NECAB1: variants seen among roughly 807,000 people sequenced by gnomAD.
NECAB1 encodes N-terminal EF-hand calcium-binding protein 1.
NECAB1 carries 29 observed loss-of-function variants against 57.5 expected under a neutral mutation model. The ratio of observed to expected loss-of-function variants is 0.50; its 90% CI spans 0.38 to 0.69. The LOEUF (loss-of-function observed/expected upper bound fraction) is 0.69, where lower values mean the gene tolerates loss of function less well. Among genes scored for constraint, NECAB1 ranks in the 30% least tolerant of loss-of-function variants. The probability of loss-of-function intolerance (pLI) is 0.00; values close to 1 mark genes in which losing one functional copy is unlikely to be tolerated. For synonymous variants in NECAB1, 142 were observed against 147.7 expected, an observed-to-expected ratio of 0.96 and a Z score of 0.28; for missense variants, 372 against 413.8, an observed-to-expected ratio of 0.90 and a Z score of 0.88.
chr8:90,853,630 T>G (rs1482833325), intron 3 of NECAB1, among the ~76,000 whole-genome samples: 1 of 152,204 alleles, frequency 6.6e-6, no homozygotes, highest in Non-Finnish European at 1.5e-5. Context: ...TGTTTGTTTA[T>G]TTGGAGAGAA....
chr8:90,891,442 T>G (rs996610568), intron 5 of NECAB1, among the ~76,000 whole-genome samples: 2 of 152,198 alleles, frequency 1.3e-5, no homozygotes, highest in Admixed American at 1.3e-4. Context: ...TTCTACATAT[T>G]ATGCCATTTT....
rs1431822775 is a variant in NECAB1 at position 90,958,883 on chromosome 8, G to T, written c.*3371G>T. 6.7e-6 allele frequency: 4 copies of T among 595,632 alleles called. No individual in the cohort carries two copies. Among genetic ancestry groups the T allele is most frequent in the South Asian group, 2.2e-5 (1 of 45,808 alleles). The allele number at this position is 595,632 out of a possible 1,614,324, so 36.9% of individuals were successfully genotyped here. The stretch of plus-strand genomic sequence containing the variant: ...AAAATAGCTCTTTCTCATTTTTAGA[G>T]AAGTCAAATAGCCAACCATCAAAAT... On this transcript the variant is annotated 3_prime_UTR_variant, in exon 13 of 13. Coordinates refer to ENST00000417640, the MANE Select transcript of NECAB1 (RefSeq NM_022351.5).
At chr8:90,837,215 A>G (rs1812382984) in intron 3 of NECAB1, among the ~76,000 whole-genome samples, 1 of 152,240 alleles carries the variant, frequency 6.6e-6, no homozygotes, top group Non-Finnish European at 1.5e-5. Context: ...CTAAGGAAAT[A>G]ATATAGATGG....
At chr8:90,833,794 C>A (rs989912963) in intron 3 of NECAB1, among the ~76,000 whole-genome samples, 3 of 152,102 alleles carry the variant, frequency 2.0e-5, no homozygotes, top group South Asian at 2.1e-4. Flanking sequence ...ATGCCCCAAC[C>A]AATTCTGTAC....
intron 5 of NECAB1, among the ~76,000 whole-genome samples, chr8:90,906,510 G>A (rs1235678202): frequency 1.3e-5 from 2 of 152,066 alleles, no homozygotes; most frequent in African/African-American, 4.8e-5. Flanking sequence ...TAAAGAAAAT[G>A]CCTACAGTAG....
chr8:90,934,439 A>C, intron 9 of NECAB1, 82 bp downstream of exon 9: 81 of 980,606 alleles, frequency 8.3e-5, no homozygotes, highest in Non-Finnish European at 1.1e-4. Flanking sequence ...TAGTTATCTC[A>C]ATGAAAAATT....
chr8:90,955,112 TTATATA>T (rs59244524), intron 12 of NECAB1, among the ~76,000 whole-genome samples: 739 of 70,796 alleles, frequency 0.01, 28 homozygotes, highest in African/African-American at 0.029. Context: ...GGTATATAAA[TTATATA>T]TATATATATA....
chr8:90,879,852 A>G (rs1417163630), intron 4 of NECAB1, among the ~76,000 whole-genome samples: 3 of 152,328 alleles, frequency 2.0e-5, no homozygotes, highest in African/African-American at 7.2e-5. Flanking sequence ...TCTTTATAAG[A>G]GATAGTTTAC....
intron 5 of NECAB1, among the ~76,000 whole-genome samples, chr8:90,908,146 C>G (rs189232931): frequency 6.6e-4 from 101 of 152,246 alleles, no homozygotes; most frequent in Admixed American, 1.6e-3. Flanking sequence ...AACTATCCAT[C>G]TGACACATAT....
intron 10 of NECAB1, among the ~76,000 whole-genome samples, chr8:90,946,190 C>G (rs1328909948): frequency 6.6e-6 from 1 of 152,176 alleles, no homozygotes; most frequent in Non-Finnish European, 1.5e-5. Flanking sequence ...ACTGAAAGTA[C>G]CCATTCTGTA....
At chr8:90,894,548 T>C (rs1278465702) in intron 5 of NECAB1, among the ~76,000 whole-genome samples, 1 of 152,172 alleles carries the variant, frequency 6.6e-6, no homozygotes, top group Non-Finnish European at 1.5e-5. Context: ...GATAAAATGA[T>C]ATAATGCATG....
chr8:90,934,897 G>A (rs192888048), intron 9 of NECAB1, among the ~76,000 whole-genome samples: 13 of 152,254 alleles, frequency 8.5e-5, no homozygotes, highest in African/African-American at 3.1e-4. Context: ...AATGGACAAA[G>A]GGATCCTAAA....
chr8:90,909,712 A>G (rs1256637376), intron 5 of NECAB1, among the ~76,000 whole-genome samples: 1 of 152,034 alleles, frequency 6.6e-6, no homozygotes, highest in Non-Finnish European at 1.5e-5. Context: ...CATTTGCTCT[A>G]TATGTCTCCA....
At chr8:90,929,644 G>C (rs1460274660) in intron 8 of NECAB1, among the ~76,000 whole-genome samples, 1 of 152,166 alleles carries the variant, frequency 6.6e-6, no homozygotes, top group African/African-American at 2.4e-5. Context: ...AGGGGGAAAA[G>C]TCTTGATAAC....
intron 6 of NECAB1, among the ~76,000 whole-genome samples, chr8:90,921,572 G>A (rs1810112364): frequency 6.6e-6 from 1 of 152,088 alleles, no homozygotes. Context: ...TACTCTGGAG[G>A]CTGAAGCAGA....
At chr8:90,839,257 C>G (rs1404624530) in intron 3 of NECAB1, among the ~76,000 whole-genome samples, 1 of 152,068 alleles carries the variant, frequency 6.6e-6, no homozygotes, top group East Asian at 1.9e-4. Context: ...GAAGAGGATC[C>G]AGGAGATTAG....
intron 3 of NECAB1, among the ~76,000 whole-genome samples, chr8:90,853,708 C>T (rs538169925): frequency 6.6e-6 from 1 of 152,142 alleles, no homozygotes; most frequent in South Asian, 2.1e-4. Context: ...CATTAAGAAA[C>T]TAGTATTGTT....
intron 12 of NECAB1, among the ~76,000 whole-genome samples, chr8:90,953,927 G>C (rs997985030): frequency 6.6e-6 from 1 of 151,986 alleles, no homozygotes; most frequent in African/African-American, 2.4e-5. Context: ...AAATTAGCCA[G>C]GCATGGTGGT....
intron 3 of NECAB1, among the ~76,000 whole-genome samples, chr8:90,868,710 T>C (rs1390181324): frequency 1.3e-5 from 2 of 152,206 alleles, no homozygotes; most frequent in Non-Finnish European, 2.9e-5. Context: ...TATCTGAAAC[T>C]GAAACTTATA....
Sources: gnomAD v4.1 joint callset for allele counts (sites outside exome capture counted in the v4.1 genomes callset) on GRCh38, gnomAD v4.1.1 for gene constraint, MANE v1.5 for transcripts, NCBI Gene and HGNC (gene_info 2026-07-23, HGNC 2026-07-21) for gene names.